Variants in ZMYM4 observed in about 807,000 individuals in gnomAD.
The protein encoded by ZMYM4 is zinc finger MYM-type protein 4.
In ZMYM4, 31 loss-of-function variants were observed where a neutral mutation model predicts 183.2. The observed-to-expected ratio is 0.17, with a 90% CI of 0.13 to 0.23. The LOEUF is 0.23. Ranked by LOEUF, ZMYM4 falls within the 10% of genes least tolerant of loss-of-function variation. The probability of loss-of-function intolerance (pLI) is 1.00; values close to 1 mark genes in which losing one functional copy is unlikely to be tolerated. For missense variants in ZMYM4, 1,273 were observed against 1,840.3 expected, an observed-to-expected ratio of 0.69 and a Z score of 5.64; for synonymous variants, 592 against 631.2, an observed-to-expected ratio of 0.94 and a Z score of 0.93.
chr1:35,271,592 G>A (rs914855614), intron 1 of ZMYM4, among the ~76,000 whole-genome samples: 1 of 152,120 alleles, frequency 6.6e-6, no homozygotes, highest in Non-Finnish European at 1.5e-5. Context: ...TAGTAAAGAT[G>A]GGATTTTGCC....
chr1:35,301,250 G>A (rs1016385836), intron 1 of ZMYM4, among the ~76,000 whole-genome samples: 1 of 152,032 alleles, frequency 6.6e-6, no homozygotes, highest in African/African-American at 2.4e-5. Context: ...TGTGTTAGAA[G>A]GTCTTTTCCT....
At chr1:35,340,863 T>TC (rs200317217) in intron 2 of ZMYM4, among the ~76,000 whole-genome samples, 1,882 of 152,310 alleles carry the variant, frequency 0.012, 15 homozygotes, top group South Asian at 0.024. Flanking sequence ...TAAAGGATTA[T>TC]CATGCAAGCT....
At position 35,394,300 on chromosome 1, in the gene ZMYM4, T is replaced by G. The variant is rs374590781; in HGVS notation, c.2911+561T>G. ...CTTGCCTCCCCTGGCATGGAACTTC[T>G]GCCCTACAAGTGAGCTGGGGTGAGG... On this transcript the variant is annotated intron_variant, in intron 18 of 29. Transcript: ENST00000314607. Among the ~76,000 whole-genome samples the G allele has an allele frequency of 3.1e-4, 46 of 150,490 alleles. No homozygotes were observed. In the East Asian group the frequency reaches 5.6e-3, roughly 18 times the overall value.
chr1:35,317,829 A>G (rs952886249), intron 1 of ZMYM4, among the ~76,000 whole-genome samples: 5 of 152,336 alleles, frequency 3.3e-5, no homozygotes, highest in African/African-American at 1.2e-4. Context: ...AGGATCTTCA[A>G]GTGGCCATAA....
intron 1 of ZMYM4, among the ~76,000 whole-genome samples, chr1:35,284,804 G>A (rs185269674): frequency 2.6e-5 from 4 of 152,280 alleles, no homozygotes; most frequent in South Asian, 4.1e-4. Context: ...GTGAGAGAGA[G>A]TGTAAGCTTT....
intron 1 of ZMYM4, among the ~76,000 whole-genome samples, chr1:35,282,980 GTTTTTTTTTTTTTTTTTTTTTTT>G (rs775211352): frequency 2.3e-4 from 6 of 26,260 alleles, no homozygotes; most frequent in Admixed American, 3.8e-4. Context: ...TGTGTGTGTG[GTTTTTTTTTTTTTTTTTTTTTTT>G]TTTTTTTTTT....
intron 11 of ZMYM4, among the ~76,000 whole-genome samples, chr1:35,386,566 C>T (rs1012433052): frequency 2.0e-5 from 3 of 152,120 alleles, no homozygotes; most frequent in Non-Finnish European, 4.4e-5. Flanking sequence ...TGGGGATTAC[C>T]GACTGGACAT....
chr1:35,413,841 G>A lies in ZMYM4; in HGVS notation c.3949-131G>A, dbSNP rs911855845. 8 of 562,580 alleles carry A rather than the reference G, an allele frequency of 1.4e-5. No homozygotes were observed. In the East Asian group the frequency reaches 1.9e-4, roughly 13 times the overall value. 34.8% of individuals were successfully genotyped at this position (562,580 alleles called of 1,614,324 possible). On this transcript the variant is annotated intron_variant, in intron 26 of 29. Transcript: ENST00000314607. The stretch of plus-strand genomic sequence containing the variant: ...TTTTAACAACTATCTCTAAGGTACT[G>A]AGAGGTTAAACATGGTTTATAATAT...
chr1:35,326,425 GT>G (rs1642506419), intron 2 of ZMYM4, among the ~76,000 whole-genome samples: 1 of 152,142 alleles, frequency 6.6e-6, no homozygotes, highest in Non-Finnish European at 1.5e-5. Context: ...AGCAAACATT[GT>G]CAAGAGCACC....
chr1:35,318,086 T>G (rs1452491529), intron 1 of ZMYM4, among the ~76,000 whole-genome samples: 5 of 125,930 alleles, frequency 4.0e-5, no homozygotes, highest in Non-Finnish European at 6.3e-5. Context: ...TGAGACAGAG[T>G]CTCACTCTAT....
chr1:35,342,115 G>A (rs929265355), intron 2 of ZMYM4, among the ~76,000 whole-genome samples: 1 of 151,962 alleles, frequency 6.6e-6, no homozygotes, highest in South Asian at 2.1e-4. Flanking sequence ...ATTTCATCTT[G>A]TGTCTGTTTT....
chr1:35,387,058 G>A lies in ZMYM4; in HGVS notation c.1892G>A (p.Gly631Asp). ...TCTTCAGTAGTGCCCTTGTCTCAGG[G>A]CCAAGTAATTGTAAGCATCCCCACA... ...MNSSVVPLSQ[G>D]QVIVSIPTGS... is the part of the protein sequence containing the mutation. The change falls in exon 12 of 30, where the codon GGC becomes GAC. Residue 631 changes from glycine to aspartate, a missense_variant. Physicochemically the swap from Gly to Asp is moderately conservative, Grantham distance 94. Transcript: ENST00000314607. The A allele has an allele frequency of 6.2e-7, 1 of 1,614,194 alleles. No homozygotes were observed. Among genetic ancestry groups the A allele is most frequent in the Non-Finnish European group, 8.5e-7 (1 of 1,180,034 alleles).
At chr1:35,333,227 T>C (rs2148839243) in intron 2 of ZMYM4, among the ~76,000 whole-genome samples, 1 of 152,078 alleles carries the variant, frequency 6.6e-6, no homozygotes, top group South Asian at 2.1e-4. Context: ...AATACATATA[T>C]GTAAATTGCA....
At chr1:35,307,374 C>T (rs1343010553) in intron 1 of ZMYM4, among the ~76,000 whole-genome samples, 3 of 151,980 alleles carry the variant, frequency 2.0e-5, no homozygotes, top group Non-Finnish European at 4.4e-5. Flanking sequence ...TACCTTGGTA[C>T]AGTGTCTGGC....
chr1:35,355,303 T>C (rs1463196609), intron 2 of ZMYM4, among the ~76,000 whole-genome samples: 1 of 145,866 alleles, frequency 6.9e-6, no homozygotes, highest in East Asian at 2.1e-4. Flanking sequence ...CACCTTGGCC[T>C]CCCAAAGTGC....
At chr1:35,286,575 T>C (rs1640495549) in intron 1 of ZMYM4, among the ~76,000 whole-genome samples, 1 of 150,274 alleles carries the variant, frequency 6.7e-6, no homozygotes, top group Non-Finnish European at 1.5e-5. Flanking sequence ...CTCCTGAGCC[T>C]GCCTGCCTCT....
At chr1:35,272,961 G>T (rs1365183464) in intron 1 of ZMYM4, among the ~76,000 whole-genome samples, 1 of 152,050 alleles carries the variant, frequency 6.6e-6, no homozygotes, top group Non-Finnish European at 1.5e-5. Context: ...TGATCCACCC[G>T]CCTCGGCCTC....
At chr1:35,363,613 G>T (rs1421971110) in intron 5 of ZMYM4, among the ~76,000 whole-genome samples, 15 of 152,108 alleles carry the variant, frequency 9.9e-5, no homozygotes, top group Admixed American at 9.8e-4. Flanking sequence ...GATGTGTTAG[G>T]GTAGTGATAA....
At chr1:35,279,093 C>T (rs1335601617) in intron 1 of ZMYM4, among the ~76,000 whole-genome samples, 1 of 152,212 alleles carries the variant, frequency 6.6e-6, no homozygotes, top group Non-Finnish European at 1.5e-5. Context: ...GCTCTGTCTG[C>T]AGCTGGTGTG....
Sources: allele counts gnomAD v4.1 joint callset (sites outside exome capture counted in the v4.1 genomes callset), GRCh38; gene constraint gnomAD v4.1.1; transcripts MANE v1.5; gene names NCBI Gene and HGNC (gene_info 2026-07-23, HGNC 2026-07-21).